The following REDIC1 variants were observed in gnomAD, a reference collection of about 807,000 sequenced individuals.
REDIC1 encodes regulator of DNA class I crossover intermediates 1.
At chr12:39,666,982 G>A in the REDIC1 span, among the ~76,000 whole-genome samples, 16 of 151,776 alleles carry the variant, frequency 1.1e-4, no homozygotes, top group East Asian at 1.9e-4. Flanking sequence ...TCTTGCTAGC[G>A]GTCCATCAGT....
chr12:39,712,283 T>C, the REDIC1 span, among the ~76,000 whole-genome samples: 1 of 138,748 alleles, frequency 7.2e-6, no homozygotes, highest in Non-Finnish European at 1.6e-5. Context: ...CATGTATATA[T>C]ACCTGTATGT....
chr12:39,636,748 A>G, the REDIC1 span, among the ~76,000 whole-genome samples: 1 of 152,062 alleles, frequency 6.6e-6, no homozygotes, highest in African/African-American at 2.4e-5. Context: ...AAGCAAAATA[A>G]AACAAAAGAA....
the REDIC1 span, among the ~76,000 whole-genome samples, chr12:39,831,365 T>A: frequency 2.0e-5 from 3 of 152,112 alleles, no homozygotes; most frequent in African/African-American, 7.2e-5. Flanking sequence ...ATGTTGTCAT[T>A]AAAGATCAGT....
At chr12:39,713,619 C>G in the REDIC1 span, among the ~76,000 whole-genome samples, 1,224 of 141,652 alleles carry the variant, frequency 8.6e-3, 16 homozygotes, top group African/African-American at 0.03. Flanking sequence ...TATGTATATA[C>G]GCATGTATAC....
the REDIC1 span, among the ~76,000 whole-genome samples, chr12:39,831,955 C>G: frequency 6.6e-6 from 1 of 152,088 alleles, no homozygotes; most frequent in Non-Finnish European, 1.5e-5. Flanking sequence ...TCCTTTATAA[C>G]AACAAAAACA....
the REDIC1 span, among the ~76,000 whole-genome samples, chr12:39,803,749 G>A: frequency 1.3e-5 from 2 of 152,146 alleles, no homozygotes; most frequent in African/African-American, 4.8e-5. Flanking sequence ...AAAGCAGAAT[G>A]TGATGGCCAG....
the REDIC1 span, among the ~76,000 whole-genome samples, chr12:39,652,350 C>T: frequency 1.2e-3 from 187 of 152,222 alleles, no homozygotes; most frequent in Middle Eastern, 3.4e-3. Flanking sequence ...ATTTTATATT[C>T]CCATTAACAA....
the REDIC1 span, among the ~76,000 whole-genome samples, chr12:39,767,629 C>T: frequency 6.6e-6 from 1 of 152,044 alleles, no homozygotes; most frequent in African/African-American, 2.4e-5. Context: ...ATTGAAAAAT[C>T]TGTTGTTTAG....
At chr12:39,696,022 G>T in the REDIC1 span, among the ~76,000 whole-genome samples, 1 of 152,088 alleles carries the variant, frequency 6.6e-6, no homozygotes, top group South Asian at 2.1e-4. Context: ...CTACAAGTCT[G>T]CAAGAACCAC....
the REDIC1 span, among the ~76,000 whole-genome samples, chr12:39,668,447 G>A: frequency 6.6e-6 from 1 of 152,230 alleles, no homozygotes; most frequent in South Asian, 2.1e-4. Flanking sequence ...CTCTTAGTCT[G>A]ATGGGCTTCC....
chr12:39,869,255 T>C, the REDIC1 span, among the ~76,000 whole-genome samples: 1 of 152,196 alleles, frequency 6.6e-6, no homozygotes, highest in East Asian at 1.9e-4. Context: ...GTTAACAAGG[T>C]TGTTGAATGG....
the REDIC1 span, among the ~76,000 whole-genome samples, chr12:39,864,410 T>G: frequency 1.3e-5 from 2 of 152,238 alleles, no homozygotes; most frequent in African/African-American, 4.8e-5. Context: ...TGATTAAAGT[T>G]ATTTACTTTG....
the REDIC1 span, among the ~76,000 whole-genome samples, chr12:39,695,604 A>T: frequency 6.6e-6 from 1 of 152,168 alleles, no homozygotes; most frequent in Non-Finnish European, 1.5e-5. Flanking sequence ...TAGACTGCTA[A>T]GGTTTTTTAT....
chr12:39,820,539 G>A, the REDIC1 span, among the ~76,000 whole-genome samples: 2 of 151,920 alleles, frequency 1.3e-5, no homozygotes, highest in Non-Finnish European at 2.9e-5. Context: ...AAGAGAGTAG[G>A]AAGGACCTGG....
At chr12:39,653,871 A>G in the REDIC1 span, among the ~76,000 whole-genome samples, 4 of 151,942 alleles carry the variant, frequency 2.6e-5, no homozygotes, top group East Asian at 1.9e-4. Context: ...GAGACTTTTT[A>G]TCATGAATTT....
At chr12:39,898,478 G>A in the REDIC1 span, among the ~76,000 whole-genome samples, 1 of 144,496 alleles carries the variant, frequency 6.9e-6, no homozygotes, top group Non-Finnish European at 1.5e-5. Context: ...CTGCCACTCA[G>A]TAGTTCTATA....
the REDIC1 span, among the ~76,000 whole-genome samples, chr12:39,835,220 T>A: frequency 6.6e-6 from 1 of 151,894 alleles, no homozygotes; most frequent in Non-Finnish European, 1.5e-5. Context: ...AATTCTAGAC[T>A]TCAAAGTTTT....
the REDIC1 span, among the ~76,000 whole-genome samples, chr12:39,702,741 G>T: frequency 6.6e-6 from 1 of 152,154 alleles, no homozygotes; most frequent in Admixed American, 6.5e-5. Flanking sequence ...CCACCATGAT[G>T]AAGTGGACTT....
chr12:39,745,722 A>G, the REDIC1 span: 2 of 152,272 alleles, frequency 1.3e-5, no homozygotes, highest in Non-Finnish European at 2.9e-5. Context: ...TTATGTGAAT[A>G]CACATGCATT....
Sources: allele counts gnomAD v4.1 joint callset (sites outside exome capture counted in the v4.1 genomes callset), GRCh38; gene constraint gnomAD v4.1.1; transcripts MANE v1.5; gene names NCBI Gene and HGNC (gene_info 2026-07-23, HGNC 2026-07-21).